LRRN2: variants seen among roughly 807,000 people sequenced by gnomAD.
LRRN2 encodes leucine-rich repeat neuronal protein 2.
LRRN2 carries 10 observed loss-of-function variants against 35.7 expected under a neutral mutation model. The ratio of observed to expected loss-of-function variants is 0.28; its 90% confidence interval spans 0.17 to 0.47. The LOEUF is 0.47. Among genes scored for constraint, LRRN2 ranks in the 20% least tolerant of loss-of-function variants. The probability of loss-of-function intolerance (pLI) is 0.99; values close to 1 mark genes in which losing one functional copy is unlikely to be tolerated. For missense variants in LRRN2, 731 were observed against 940.3 expected (o/e 0.78, Z 2.91); for synonymous variants, 391 against 409.6 (o/e 0.95, Z 0.55).
chr1:204,633,763 T>C (rs897848403), intron 1 of LRRN2, among the ~76,000 whole-genome samples: 1 of 152,210 alleles, frequency 6.6e-6, no homozygotes, highest in African/African-American at 2.4e-5. Flanking sequence ...TGCCCAGCTC[T>C]CCTTCCACTT....
chr1:204,657,004 T>TA (rs1428903882), intron 1 of LRRN2, among the ~76,000 whole-genome samples: 2 of 152,110 alleles, frequency 1.3e-5, no homozygotes, highest in South Asian at 2.1e-4. Flanking sequence ...GATAGATGGA[T>TA]AAAAAAATAT....
In LRRN2 at chr1:204,685,551, C is replaced by G. The variant is rs1466895448; in HGVS notation, c.-458G>C. 1.3e-5 allele frequency: 2 copies of G among 152,036 alleles called. No individual in the cohort carries two copies. Among genetic ancestry groups the G allele is most frequent in the South Asian group, 2.1e-4 (1 of 4,834 alleles). 9.4% of individuals were successfully genotyped at this position (152,036 alleles called of 1,614,324 possible). On this transcript the variant is annotated 5_prime_UTR_variant, in exon 1 of 2. Coordinates refer to ENST00000367177, the MANE Select transcript of LRRN2 (RefSeq NM_201630.2). ...CAGAATCCCAATCCGTCCCCACCCC[C>G]TCTCCGCGCCCTGGGCGCGTCGCGG...
At chr1:204,672,432 C>T (rs944874062) in intron 1 of LRRN2, among the ~76,000 whole-genome samples, 3 of 152,180 alleles carry the variant, frequency 2.0e-5, no homozygotes, top group Admixed American at 2.0e-4. Flanking sequence ...GACCCTTTAG[C>T]CCTTGGGTCA....
rs779512282 is a variant in LRRN2, at chr1:204,618,839, G to T, written c.1154C>A (p.Thr385Asn). 17 of 1,614,028 alleles carry T rather than the reference G, an allele frequency of 1.1e-5. No homozygotes were observed. The highest frequency in any genetic ancestry group is 1.7e-5 in the Admixed American group (1 of 60,012). The change falls in exon 2 of 2, where the codon ACC becomes AAC. Residue 385 changes from threonine to asparagine, a missense_variant. Around this residue, in one of 3 missense-constraint regions of LRRN2, gnomAD observed 256 missense variants for 392.4 expected, o/e 0.65. Coordinates refer to ENST00000367177, the MANE Select transcript of LRRN2 (RefSeq NM_201630.2). ...CVIRWANATG[T>N]RVRFIEPQST... ...TTGCGGCTCGATGAAGCGGACACGGGTGCCCGTGGCATTGGCCCAGCGGAT... is the reference window on the plus strand; with the variant it reads ...TTGCGGCTCGATGAAGCGGACACGGTTGCCCGTGGCATTGGCCCAGCGGAT...
chr1:204,630,454 A>G (rs1380445558), intron 1 of LRRN2, among the ~76,000 whole-genome samples: 1 of 152,150 alleles, frequency 6.6e-6, no homozygotes, highest in Non-Finnish European at 1.5e-5. Context: ...CAGAATGAAA[A>G]TTGATGAGGC....
intron 1 of LRRN2, among the ~76,000 whole-genome samples, chr1:204,675,384 G>A (rs147221456): frequency 2.2e-3 from 335 of 152,328 alleles, no homozygotes; most frequent in South Asian, 0.013. Context: ...GGGTCTCCCC[G>A]GCTTCAAGCT....
At chr1:204,680,577 C>T (rs1668924939) in intron 1 of LRRN2, among the ~76,000 whole-genome samples, 1 of 152,214 alleles carries the variant, frequency 6.6e-6, no homozygotes, top group Non-Finnish European at 1.5e-5. Flanking sequence ...GGAGCAGAGT[C>T]TGCTTGATGC....
intron 1 of LRRN2, chr1:204,621,213 G>A (rs1205665714): frequency 6.0e-6 from 1 of 167,300 alleles, no homozygotes; most frequent in Non-Finnish European, 1.5e-5. Context: ...CAGCTGTGCA[G>A]GTAAGACCTT....
chr1:204,669,233 G>C (rs1392551962), intron 1 of LRRN2, among the ~76,000 whole-genome samples: 1 of 152,230 alleles, frequency 6.6e-6, no homozygotes, highest in African/African-American at 2.4e-5. Flanking sequence ...TGAATCTTTG[G>C]TTGGGGAAAG....
chr1:204,674,760 A>C (rs1211179491), intron 1 of LRRN2, among the ~76,000 whole-genome samples: 1 of 152,122 alleles, frequency 6.6e-6, no homozygotes, highest in Non-Finnish European at 1.5e-5. Context: ...TTCCAGGACA[A>C]AGAACACGGA....
chr1:204,664,878 C>T (rs1362129634), intron 1 of LRRN2, among the ~76,000 whole-genome samples: 1 of 152,184 alleles, frequency 6.6e-6, no homozygotes, highest in Non-Finnish European at 1.5e-5. Context: ...CCATTATGGT[C>T]CCTCTTTACA....
intron 1 of LRRN2, among the ~76,000 whole-genome samples, chr1:204,623,548 C>CATGCAGCTCTTTCCAGG (rs1402151528): frequency 1.3e-5 from 2 of 152,286 alleles, no homozygotes; most frequent in Non-Finnish European, 2.9e-5. Flanking sequence ...CACTGCTGAG[C>CATGCAGCTCTTTCCAGG]ATGCAGCTCT....
intron 1 of LRRN2, among the ~76,000 whole-genome samples, chr1:204,648,879 A>G (rs1249941699): frequency 6.6e-6 from 1 of 152,134 alleles, no homozygotes; most frequent in Non-Finnish European, 1.5e-5. Flanking sequence ...GCAGGCCCAG[A>G]CAGAGATGGC....
At chr1:204,678,595 C>T (rs184922667) in intron 1 of LRRN2, among the ~76,000 whole-genome samples, 40 of 152,280 alleles carry the variant, frequency 2.6e-4, no homozygotes, top group African/African-American at 8.4e-4. Flanking sequence ...TCTCCTGCAA[C>T]TCTCTGCCCT....
At chr1:204,681,276 C>G (rs1454977140) in intron 1 of LRRN2, among the ~76,000 whole-genome samples, 1 of 152,110 alleles carries the variant, frequency 6.6e-6, no homozygotes, top group Non-Finnish European at 1.5e-5. Flanking sequence ...TCTGCTTATC[C>G]CTATAGTCCA....
At chr1:204,636,588 G>A (rs1402181216) in intron 1 of LRRN2, among the ~76,000 whole-genome samples, 4 of 152,150 alleles carry the variant, frequency 2.6e-5, no homozygotes, top group South Asian at 2.1e-4. Context: ...TCCGCACAGA[G>A]CAGAGCTGGC....
In LRRN2 at chr1:204,618,409, C is replaced by G; in HGVS notation, c.1584G>C (p.Gly528=). 6.2e-7 allele frequency: 1 copy of G among 1,613,720 alleles called. No individual in the cohort carries two copies. Among genetic ancestry groups the G allele is most frequent in the Non-Finnish European group, 8.5e-7 (1 of 1,179,706 alleles). ...LLQPGRDEGQ[G]LELRVQETHP... Reference sequence around the variant, plus strand: ...GGGTCTCCTGCACCCGGAGCTCCAGCCCCTGTCCTTCGTCCCTGCCTGGCT... The same window carrying G: ...GGGTCTCCTGCACCCGGAGCTCCAGGCCCTGTCCTTCGTCCCTGCCTGGCT... Residue 528 remains glycine, a synonymous_variant, in exon 2 of 2, where the codon GGG becomes GGC. Coordinates refer to ENST00000367177, the MANE Select transcript of LRRN2 (RefSeq NM_201630.2).
intron 1 of LRRN2, among the ~76,000 whole-genome samples, chr1:204,682,261 T>C (rs1668972349): frequency 6.6e-6 from 1 of 152,192 alleles, no homozygotes; most frequent in South Asian, 2.1e-4. Context: ...GAAAAGTCAT[T>C]GCCCTCCCTG....
At chr1:204,635,366 T>G (rs771439703) in intron 1 of LRRN2, among the ~76,000 whole-genome samples, 18 of 152,308 alleles carry the variant, frequency 1.2e-4, no homozygotes, top group Non-Finnish European at 2.4e-4. Flanking sequence ...GCCCCAACCT[T>G]GTTCTCATCC....
Sources: allele counts gnomAD v4.1 joint callset (sites outside exome capture counted in the v4.1 genomes callset), GRCh38; gene constraint gnomAD v4.1.1; regional missense constraint gnomAD v4.1.1; transcripts MANE v1.5; gene names NCBI Gene and HGNC (gene_info 2026-07-23, HGNC 2026-07-21).